MEIS2: variants seen among roughly 807,000 people sequenced by gnomAD.
MEIS2 encodes the protein homeobox protein Meis2.
MEIS2 carries 9 observed loss-of-function variants against 58.6 expected under a neutral mutation model. The observed-to-expected ratio is 0.15, with a 90% confidence interval of 0.09 to 0.27. The LOEUF (loss-of-function observed/expected upper bound fraction) is 0.27, where lower values mean the gene tolerates loss of function less well. Among genes scored for constraint, MEIS2 ranks in the 10% least tolerant of loss-of-function variants. The pLI is 1.00. For synonymous variants in MEIS2, 221 were observed against 228.4 expected (o/e 0.97, Z 0.29); for missense variants, 427 against 635.0 (o/e 0.67, Z 3.52).
Position 37,099,661 on chromosome 15 carries a change from A to C in MEIS2, c.-195T>G. 1 of 657,358 alleles carries C rather than the reference A, an allele frequency of 1.5e-6. No individual in the cohort carries two copies. The highest frequency in any genetic ancestry group is 1.9e-5 in the African/African-American group (1 of 53,106). The allele number at this position is 657,358 out of a possible 1,614,324, so 40.7% of individuals were successfully genotyped here. On this transcript the variant is annotated 5_prime_UTR_variant, in exon 1 of 12. Coordinates refer to ENST00000561208, the MANE Select transcript of MEIS2 (RefSeq NM_170675.5). ...AACGAAGAATTTTTTTTTCTGTGAT[A>C]TTTCTTCTTTTTCTCTTTTTTCCTC...
intron 7 of MEIS2, among the ~76,000 whole-genome samples, chr15:37,062,688 GC>G (rs1341023049): frequency 6.6e-6 from 1 of 152,120 alleles, no homozygotes; most frequent in Non-Finnish European, 1.5e-5. Flanking sequence ...CCTAGTGAGG[GC>G]AACTGTATGG....
At chr15:37,066,852 T>C (rs1464606) in intron 7 of MEIS2, among the ~76,000 whole-genome samples, 149,128 of 152,152 alleles carry the variant, frequency 0.98, 73,138 homozygotes, top group East Asian at 1. Context: ...TCATAGCTCA[T>C]AGCAACCTCA....
chr15:37,049,810 T>A (rs796948563), intron 7 of MEIS2, among the ~76,000 whole-genome samples: 2 of 151,556 alleles, frequency 1.3e-5, no homozygotes, highest in South Asian at 4.2e-4. Context: ...TAAGACCAGA[T>A]TTTGGCCTCC....
chr15:36,937,140 C>A (rs970708306), intron 9 of MEIS2, among the ~76,000 whole-genome samples: 1 of 152,176 alleles, frequency 6.6e-6, no homozygotes, highest in African/African-American at 2.4e-5. Context: ...AGGTACACCA[C>A]AAATGTCCCA....
chr15:37,026,744 T>A (rs1290651337), intron 8 of MEIS2, among the ~76,000 whole-genome samples: 1 of 152,310 alleles, frequency 6.6e-6, no homozygotes, highest in African/African-American at 2.4e-5. Flanking sequence ...CAGAATCCCA[T>A]GACAATATCT....
intron 9 of MEIS2, among the ~76,000 whole-genome samples, chr15:36,926,881 T>C (rs1380721600): frequency 6.6e-6 from 1 of 152,204 alleles, no homozygotes; most frequent in Non-Finnish European, 1.5e-5. Flanking sequence ...AGGACTGTAC[T>C]TTATAATCAC....
At chr15:36,994,564 A>T (rs1472916516) in intron 8 of MEIS2, among the ~76,000 whole-genome samples, 1 of 152,168 alleles carries the variant, frequency 6.6e-6, no homozygotes, top group Non-Finnish European at 1.5e-5. Context: ...TTAAACACAG[A>T]TATGTCAGTT....
intron 8 of MEIS2, among the ~76,000 whole-genome samples, chr15:36,975,472 T>TTTC (rs2059711682): frequency 6.7e-6 from 1 of 150,222 alleles, no homozygotes; most frequent in Non-Finnish European, 1.5e-5. Flanking sequence ...AATAAGGGTT[T>TTTC]TTTTTTTTTT....
At chr15:36,970,582 G>A (rs1258545373) in intron 8 of MEIS2, among the ~76,000 whole-genome samples, 1 of 152,152 alleles carries the variant, frequency 6.6e-6, no homozygotes, top group Non-Finnish European at 1.5e-5. Context: ...CAAATCAGTG[G>A]AAGTGTCCAC....
At chr15:36,974,460 T>C (rs1264802775) in intron 8 of MEIS2, among the ~76,000 whole-genome samples, 1 of 152,174 alleles carries the variant, frequency 6.6e-6, no homozygotes, top group African/African-American at 2.4e-5. Context: ...TTTTCCATAT[T>C]CTCCCAAATT....
At chr15:36,948,136 T>G (rs1292765335) in intron 9 of MEIS2, among the ~76,000 whole-genome samples, 1 of 151,856 alleles carries the variant, frequency 6.6e-6, no homozygotes, top group Non-Finnish European at 1.5e-5. Context: ...GTGTGAAAAT[T>G]AGGAAGATGG....
intron 8 of MEIS2, among the ~76,000 whole-genome samples, chr15:37,013,468 A>G (rs2061235821): frequency 6.6e-6 from 1 of 151,780 alleles, no homozygotes. Context: ...GCTACTCCAG[A>G]GACTGAGGCA....
intron 8 of MEIS2, among the ~76,000 whole-genome samples, chr15:36,998,236 GTTTTTTTTT>G (rs5811954): frequency 6.4e-4 from 43 of 66,780 alleles, no homozygotes; most frequent in African/African-American, 2.5e-3. Context: ...AAAACACAAA[GTTTTTTTTT>G]TTTTTTTTTT....
intron 7 of MEIS2, among the ~76,000 whole-genome samples, chr15:37,071,795 A>G (rs1275812859): frequency 6.6e-6 from 1 of 152,070 alleles, no homozygotes; most frequent in African/African-American, 2.4e-5. Context: ...TTTAACCACT[A>G]TGCTACATTG....
intron 7 of MEIS2, among the ~76,000 whole-genome samples, chr15:37,081,769 G>A (rs1423271072): frequency 6.6e-6 from 1 of 151,782 alleles, no homozygotes; most frequent in Non-Finnish European, 1.5e-5. Flanking sequence ...CTTTAATCCC[G>A]CAGAGACATG....
At chr15:36,913,784 A>T (rs143986945) in intron 9 of MEIS2, among the ~76,000 whole-genome samples, 1 of 152,254 alleles carries the variant, frequency 6.6e-6, no homozygotes, top group East Asian at 1.9e-4. Flanking sequence ...ACAGGTCAGA[A>T]GGAAAAAAAT....
At chr15:37,038,897 T>C (rs767621312) in intron 7 of MEIS2, among the ~76,000 whole-genome samples, 119 of 152,308 alleles carry the variant, frequency 7.8e-4, no homozygotes, top group Non-Finnish European at 1.3e-3. Flanking sequence ...GCCAAGGAAC[T>C]GCTGCAAGGC....
chr15:36,959,740 T>C (rs1041609803), intron 8 of MEIS2, among the ~76,000 whole-genome samples: 2 of 152,200 alleles, frequency 1.3e-5, no homozygotes, highest in African/African-American at 4.8e-5. Context: ...CAAATCCAGA[T>C]GGTGACAATG....
intron 9 of MEIS2, among the ~76,000 whole-genome samples, chr15:36,915,305 G>T (rs34683962): frequency 0.13 from 20,434 of 152,038 alleles, 1,424 homozygotes; most frequent in East Asian, 0.17. Context: ...AAAAAGCTTG[G>T]ATTTCAGTTT....
Sources: gnomAD v4.1 joint callset for allele counts (sites outside exome capture counted in the v4.1 genomes callset) on GRCh38, gnomAD v4.1.1 for gene constraint, MANE v1.5 for transcripts, NCBI Gene and HGNC (gene_info 2026-07-23, HGNC 2026-07-21) for gene names.